Variants in PLXNA4 observed in about 807,000 individuals in gnomAD.
The protein encoded by PLXNA4 is plexin A4.
Under a neutral mutation model 191.8 loss-of-function variants are expected in PLXNA4, and 44 were observed. The observed-to-expected ratio is 0.23, with a 90% CI of 0.18 to 0.29. PLXNA4 has a LOEUF of 0.29. Among genes scored for constraint, PLXNA4 ranks in the 10% least tolerant of loss-of-function variants. The pLI is 1.00. For synonymous variants in PLXNA4, 1,082 were observed against 1,009.5 expected (o/e 1.07, Z -1.36); for missense variants, 1,800 against 2,488.8 (o/e 0.72, Z 5.89).
chr7:132,148,729 C>T (rs763556578), intron 25 of PLXNA4, 83 bp from the exon 26 acceptor site: 3 of 1,586,882 alleles, frequency 1.9e-6, no homozygotes, highest in Admixed American at 1.7e-5. Flanking sequence ...GGTACCTATG[C>T]AGTGCTAGCT....
intron 2 of PLXNA4, among the ~76,000 whole-genome samples, chr7:132,502,206 A>T (rs1798284387): frequency 6.6e-6 from 1 of 152,134 alleles, no homozygotes; most frequent in South Asian, 2.1e-4. Flanking sequence ...CCAGACTGGA[A>T]TGTGAGGCCA....
At chr7:132,512,983 C>T (rs550557004) in intron 1 of PLXNA4, among the ~76,000 whole-genome samples, 11 of 152,332 alleles carry the variant, frequency 7.2e-5, no homozygotes, top group East Asian at 3.9e-4. Context: ...AAGGATTCAT[C>T]GAACTACGTA....
At chr7:132,180,354 T>C (rs1796663933) in intron 19 of PLXNA4, among the ~76,000 whole-genome samples, 1 of 152,200 alleles carries the variant, frequency 6.6e-6, no homozygotes, top group African/African-American at 2.4e-5. Context: ...TTAGCAACTA[T>C]TTAATGCTGT....
chr7:132,429,775 T>C (rs1391988931), intron 3 of PLXNA4, among the ~76,000 whole-genome samples: 1 of 152,220 alleles, frequency 6.6e-6, no homozygotes, highest in African/African-American at 2.4e-5. Context: ...CTTGACTCCA[T>C]AAACCCAGCA....
chr7:132,477,066 T>C (rs1167345528), intron 3 of PLXNA4, among the ~76,000 whole-genome samples: 1 of 152,176 alleles, frequency 6.6e-6, no homozygotes, highest in Non-Finnish European at 1.5e-5. Flanking sequence ...GCACATCTTC[T>C]CCAATACTAA....
chr7:132,616,800 C>G (rs1803165241), intron 2 of PLXNA4, among the ~76,000 whole-genome samples: 1 of 152,182 alleles, frequency 6.6e-6, no homozygotes, highest in Non-Finnish European at 1.5e-5. Context: ...CCCACCGGCC[C>G]TTTCACGGGT....
chr7:132,597,710 T>A (rs1052877916), intron 2 of PLXNA4, among the ~76,000 whole-genome samples: 1 of 152,204 alleles, frequency 6.6e-6, no homozygotes, highest in African/African-American at 2.4e-5. Flanking sequence ...TTTGTATGCA[T>A]TCTTGTAAAA....
chr7:132,423,837 C>T lies in PLXNA4; in HGVS notation c.1371+65455G>A, dbSNP rs574779924. On this transcript the variant is annotated intron_variant, in intron 3 of 31. Coordinates refer to ENST00000321063, the MANE Select transcript of PLXNA4 (RefSeq NM_020911.2). ...TGTGTCTTCGTAATTGCGTTACTCA[C>T]ATAGCAACACATGGGGATGGCCACA... is the stretch of plus-strand genomic sequence containing the variant. Among the ~76,000 whole-genome samples, 12 of 152,332 alleles carry T rather than the reference C, an allele frequency of 7.9e-5. No homozygotes were observed. In the South Asian group the frequency reaches 1.5e-3, roughly 18 times the overall value.
chr7:132,298,164 TCCA>T lies in PLXNA4; in HGVS notation c.1427_1429del (p.Val476del). 6.2e-7 allele frequency: 1 copy of T among 1,613,948 alleles called. No homozygotes were observed. The highest frequency in any genetic ancestry group is 8.5e-7 in the Non-Finnish European group (1 of 1,179,972). Reference sequence around the variant, plus strand: ...CATATCCCGGAGGACTGGGCCGGGGTCCACCACCTGCACCGTCTCATACTGGAG... The same window carrying T: ...CATATCCCGGAGGACTGGGCCGGGGTCCACCTGCACCGTCTCATACTGGAG... On this transcript the variant is annotated inframe_deletion, in exon 4 of 32. Transcript: ENST00000321063.
chr7:132,423,130 C>T (rs952233313), intron 3 of PLXNA4, among the ~76,000 whole-genome samples: 3 of 152,208 alleles, frequency 2.0e-5, no homozygotes, highest in African/African-American at 7.2e-5. Context: ...GTGCGAACAC[C>T]GTGGAATTAG....
intron 1 of PLXNA4, among the ~76,000 whole-genome samples, chr7:132,542,438 A>G (rs1800124824): frequency 6.6e-6 from 1 of 152,150 alleles, no homozygotes; most frequent in East Asian, 1.9e-4. Context: ...AAATACTACA[A>G]TGTGTCTTCA....
intron 4 of PLXNA4, among the ~76,000 whole-genome samples, chr7:132,251,971 A>G (rs1294523444): frequency 6.6e-6 from 1 of 152,202 alleles, no homozygotes; most frequent in African/African-American, 2.4e-5. Context: ...TTATCAACAT[A>G]GGGCCCCACT....
At chr7:132,417,490 G>A (rs1254526190) in intron 3 of PLXNA4, among the ~76,000 whole-genome samples, 1 of 152,164 alleles carries the variant, frequency 6.6e-6, no homozygotes, top group Non-Finnish European at 1.5e-5. Context: ...CAGTAGATAA[G>A]GAATGAGGTA....
intron 3 of PLXNA4, among the ~76,000 whole-genome samples, chr7:132,323,051 G>A (rs1802234038): frequency 6.6e-6 from 1 of 152,168 alleles, no homozygotes; most frequent in South Asian, 2.1e-4. Flanking sequence ...AAATACACTG[G>A]GTGACATAAT....
intron 4 of PLXNA4, among the ~76,000 whole-genome samples, chr7:132,267,258 T>C (rs1383315304): frequency 6.6e-6 from 1 of 152,196 alleles, no homozygotes; most frequent in Non-Finnish European, 1.5e-5. Context: ...GGTGTGTCAG[T>C]AGGAGGAGCC....
chr7:132,593,914 T>G (rs1398245798), intron 2 of PLXNA4, among the ~76,000 whole-genome samples: 1 of 152,202 alleles, frequency 6.6e-6, no homozygotes, highest in Non-Finnish European at 1.5e-5. Context: ...TGGGCATCCT[T>G]GTTCAGCCCG....
At chr7:132,360,123 C>A (rs1033438007) in intron 3 of PLXNA4, among the ~76,000 whole-genome samples, 3 of 152,194 alleles carry the variant, frequency 2.0e-5, no homozygotes, top group East Asian at 1.9e-4. Flanking sequence ...CTTTTCTTAT[C>A]CTACCAGATT....
At chr7:132,297,614 C>T (rs1327227005) in intron 4 of PLXNA4, among the ~76,000 whole-genome samples, 2 of 152,196 alleles carry the variant, frequency 1.3e-5, no homozygotes, top group Non-Finnish European at 2.9e-5. Flanking sequence ...AGGCCGTGCC[C>T]TACCCCATCA....
rs116418752 is a variant in PLXNA4 at position 132,595,577 on chromosome 7, G to T, written c.-87+50351C>A. 6.3e-3 allele frequency among the ~76,000 whole-genome samples: 960 copies of T among 152,278 alleles called. 16 individuals carry two copies. Among genetic ancestry groups the T allele is most frequent in the African/African-American group, 0.021 (878 of 41,552 alleles). On this transcript the variant is annotated intron_variant, in intron 2 of 4. Coordinates refer to the PLXNA4 transcript ENST00000378539. ...CCATATTATTTTAAAATCTGGAAAAGGGGTACTTTCACAACACCCAGGCAC... is the reference window on the plus strand; with the variant it reads ...CCATATTATTTTAAAATCTGGAAAATGGGTACTTTCACAACACCCAGGCAC...
Sources: gnomAD v4.1 joint callset for allele counts (sites outside exome capture counted in the v4.1 genomes callset) on GRCh38, gnomAD v4.1.1 for gene constraint, MANE v1.5 for transcripts, NCBI Gene and HGNC (gene_info 2026-07-23, HGNC 2026-07-21) for gene names.